The following MCU variants were observed in gnomAD, a reference collection of about 807,000 sequenced individuals.
MCU encodes the protein calcium uniporter protein, mitochondrial.
In MCU, 12 loss-of-function variants were observed where a neutral mutation model predicts 45.2. The ratio of observed to expected loss-of-function variants is 0.27; its 90% confidence interval spans 0.17 to 0.43. MCU has a LOEUF of 0.43. Among genes scored for constraint, MCU ranks in the 20% least tolerant of loss-of-function variants. The pLI is 1.00. For missense variants in MCU, 324 were observed against 436.7 expected (o/e 0.74, Z 2.30); for synonymous variants, 160 against 165.1 (o/e 0.97, Z 0.24).
chr10:72,812,769 C>T lies in MCU; in HGVS notation c.151-21590C>T, dbSNP rs570296940. ...AAGAGGAAGTAAGCTTTCTTCAAAC[C>T]ATTACTGCTTTATGTAATGTTTTAT... On this transcript the variant is annotated intron_variant, in intron 1 of 7. Coordinates refer to ENST00000373053, the MANE Select transcript of MCU (RefSeq NM_138357.3). 2.4e-3 allele frequency among the ~76,000 whole-genome samples: 363 copies of T among 150,024 alleles called. 1 individual carries two copies. The highest frequency in any genetic ancestry group is 8.4e-3 in the African/African-American group (341 of 40,834).
intron 1 of MCU, among the ~76,000 whole-genome samples, chr10:72,746,091 TCTC>T (rs748764217): frequency 6.6e-6 from 1 of 152,162 alleles, no homozygotes; most frequent in East Asian, 1.9e-4. Flanking sequence ...TGGACCTACT[TCTC>T]CTCTTCTCAT....
intron 5 of MCU, among the ~76,000 whole-genome samples, chr10:72,869,430 T>C (rs1016783987): frequency 1.3e-5 from 2 of 152,082 alleles, no homozygotes; most frequent in Non-Finnish European, 2.9e-5. Flanking sequence ...CCTAAAAATA[T>C]AAAAATTAGC....
intron 1 of MCU, among the ~76,000 whole-genome samples, chr10:72,740,114 G>C (rs1843305961): frequency 6.7e-6 from 1 of 149,420 alleles, no homozygotes; most frequent in Non-Finnish European, 1.5e-5. Context: ...GGGCACGGTG[G>C]CTCACGCCTG....
intron 6 of MCU, among the ~76,000 whole-genome samples, chr10:72,875,365 T>A (rs1365263547): frequency 2.0e-5 from 3 of 152,244 alleles, no homozygotes; most frequent in African/African-American, 7.2e-5. Flanking sequence ...TTCTCCCTTC[T>A]CGTCATGCTG....
intron 6 of MCU, among the ~76,000 whole-genome samples, chr10:72,880,882 CT>C (rs1391662609): frequency 6.6e-6 from 1 of 152,170 alleles, no homozygotes; most frequent in Non-Finnish European, 1.5e-5. Context: ...AATCCCAGTG[CT>C]TTGGGAGGCC....
intron 1 of MCU, among the ~76,000 whole-genome samples, chr10:72,830,026 G>A (rs539501893): frequency 6.6e-6 from 1 of 152,302 alleles, no homozygotes; most frequent in African/African-American, 2.4e-5. Flanking sequence ...TACAGAAACT[G>A]TTCTATAAGC....
chr10:72,856,655 C>T (rs1007556706), intron 2 of MCU, among the ~76,000 whole-genome samples: 3 of 151,310 alleles, frequency 2.0e-5, no homozygotes, highest in African/African-American at 7.3e-5. Context: ...TTTTTAGAAG[C>T]CAGGCATAGT....
At chr10:72,846,291 C>T (rs1845121871) in intron 2 of MCU, among the ~76,000 whole-genome samples, 1 of 152,186 alleles carries the variant, frequency 6.6e-6, no homozygotes, top group Non-Finnish European at 1.5e-5. Flanking sequence ...GATCTGCCTG[C>T]ATCAGCTTCC....
intron 1 of MCU, among the ~76,000 whole-genome samples, chr10:72,824,825 T>G (rs1457547863): frequency 6.6e-6 from 1 of 152,226 alleles, no homozygotes; most frequent in Non-Finnish European, 1.5e-5. Context: ...GTAACTGCAT[T>G]CTTTTTATTA....
chr10:72,784,955 G>C (rs1455905052), intron 1 of MCU, among the ~76,000 whole-genome samples: 2 of 152,150 alleles, frequency 1.3e-5, no homozygotes, highest in Non-Finnish European at 2.9e-5. Context: ...TTCCTGGTGT[G>C]TGTGTCTTTT....
At chr10:72,818,312 G>GT (rs1467957781) in intron 1 of MCU, among the ~76,000 whole-genome samples, 1 of 152,162 alleles carries the variant, frequency 6.6e-6, no homozygotes, top group Non-Finnish European at 1.5e-5. Flanking sequence ...TTTTCACAGT[G>GT]TTTTGCTAAC....
chr10:72,872,175 T>G (rs1205358559), intron 6 of MCU, among the ~76,000 whole-genome samples: 1 of 152,168 alleles, frequency 6.6e-6, no homozygotes, highest in African/African-American at 2.4e-5. Flanking sequence ...TTTGAGGGTG[T>G]CTGTGCATGT....
intron 1 of MCU, among the ~76,000 whole-genome samples, chr10:72,814,393 T>TA (rs1251707990): frequency 6.6e-6 from 1 of 152,162 alleles, no homozygotes; most frequent in East Asian, 1.9e-4. Flanking sequence ...TGTTTTTTTT[T>TA]AATATATCTT....
intron 1 of MCU, chr10:72,712,190 G>A (rs1444322576): frequency 6.6e-6 from 1 of 152,128 alleles, no homozygotes; most frequent in Non-Finnish European, 1.5e-5. Flanking sequence ...ACAGGAAAAA[G>A]GAATTTATTA....
intron 1 of MCU, among the ~76,000 whole-genome samples, chr10:72,735,686 T>TGGGG (rs1843243549): frequency 6.6e-6 from 1 of 152,140 alleles, no homozygotes; most frequent in South Asian, 2.1e-4. Context: ...TGGACTGCCT[T>TGGGG]GGGAGGTAAT....
intron 1 of MCU, among the ~76,000 whole-genome samples, chr10:72,791,281 GCT>G (rs1226598698): frequency 6.6e-6 from 1 of 152,066 alleles, no homozygotes; most frequent in African/African-American, 2.4e-5. Flanking sequence ...CTGCTGGCTG[GCT>G]CTCTCTTACC....
intron 1 of MCU, among the ~76,000 whole-genome samples, chr10:72,730,175 G>A (rs1261269631): frequency 6.6e-6 from 1 of 151,872 alleles, no homozygotes; most frequent in Admixed American, 6.6e-5. Context: ...TGGCCAGGCT[G>A]GTATCTAACT....
At chr10:72,845,951 C>G (rs1213731311) in intron 2 of MCU, among the ~76,000 whole-genome samples, 1 of 152,072 alleles carries the variant, frequency 6.6e-6, no homozygotes, top group Non-Finnish European at 1.5e-5. Flanking sequence ...TAGGAGTCTC[C>G]CCTCCACCCC....
At chr10:72,860,298 C>A in intron 3 of MCU, 125 bp from the exon 4 acceptor site, 1 of 762,054 alleles carries the variant, frequency 1.3e-6, no homozygotes, top group Non-Finnish European at 2.1e-6. Context: ...GGAAATGAGG[C>A]AAAAAGTTAA....
Sources: gnomAD v4.1 joint callset for allele counts (sites outside exome capture counted in the v4.1 genomes callset) on GRCh38, gnomAD v4.1.1 for gene constraint, MANE v1.5 for transcripts, NCBI Gene and HGNC (gene_info 2026-07-23, HGNC 2026-07-21) for gene names.